Variants in DDIAS observed in about 807,000 individuals in gnomAD.
DDIAS encodes DNA damage induced apoptosis suppressor.
A neutral mutation model predicts 15.7 loss-of-function variants in DDIAS; 14 were observed. That is an observed-to-expected ratio of 0.89 (90% CI 0.59 to 1.39). The LOEUF (loss-of-function observed/expected upper bound fraction) is 1.39. DDIAS is among the 40% of genes most tolerant of loss of function. The probability of loss-of-function intolerance (pLI) is 0.00; values close to 1 mark genes in which losing one functional copy is unlikely to be tolerated. For missense variants in DDIAS, 1,035 were observed against 1,130.9 expected, an observed-to-expected ratio of 0.92 and a Z score of 1.22; for synonymous variants, 355 against 395.9, an observed-to-expected ratio of 0.90 and a Z score of 1.23.
rs534677033 is a variant in DDIAS, at chr11:82,920,504, G to C, written c.113+5653G>C. Among the ~76,000 whole-genome samples, 14 of 152,200 alleles carry C rather than the reference G, an allele frequency of 9.2e-5. No homozygotes were observed. In the South Asian group the frequency reaches 2.9e-3, roughly 32 times the overall value. On this transcript the variant is annotated intron_variant, in intron 3 of 5. Transcript: ENST00000533655. ...GTGTTCTTTCAGTCTTTTTGATGTA[G>C]GCATTTAGGACTATGACCTTTCCTT...
rs1231499233 is a variant in DDIAS, at chr11:82,914,732, T to G, written c.-7T>G. ...CTATTTTGTTTTGCAGACCACGGTG[T>G]GAACACATGAACAGAAGACGAAAAT... On this transcript the variant is annotated 5_prime_UTR_variant, in exon 3 of 6. Transcript: ENST00000533655. The G allele has an allele frequency of 1.9e-6, 3 of 1,544,784 alleles. No homozygotes were observed. Among genetic ancestry groups the G allele is most frequent in the Non-Finnish European group, 2.7e-6 (3 of 1,118,380 alleles).
chr11:82,905,333 A>T (rs1222594348), intron 1 of DDIAS, among the ~76,000 whole-genome samples: 2 of 152,094 alleles, frequency 1.3e-5, no homozygotes, highest in Non-Finnish European at 2.9e-5. Flanking sequence ...TTTGTATATT[A>T]TTGCTAATGT....
In DDIAS at chr11:82,933,407, CAACTGAGATTACCAAA is replaced by C. The variant is rs1395096157; in HGVS notation, c.2072_2087del (p.Thr691AsnfsTer7). ...GATATTGCTAAAGAAATGGACATTGCAACTGAGATTACCAAAAAATCACAGGATATTTTGTTAAAAT... is the reference window on the plus strand; with the variant it reads ...GATATTGCTAAAGAAATGGACATTGCAAATCACAGGATATTTTGTTAAAAT... On this transcript the variant is annotated frameshift_variant, in exon 6 of 6. Transcript: ENST00000533655. LOFTEE classifies it low-confidence loss of function (END_TRUNC). 6.2e-7 allele frequency: 1 copy of C among 1,613,866 alleles called. No homozygotes were observed. Among genetic ancestry groups the C allele is most frequent in the South Asian group, 1.1e-5 (1 of 91,052 alleles).
At chr11:82,931,680 G>T (rs1365370060) in intron 5 of DDIAS, 52 bp from the exon 6 acceptor site, 28 of 1,488,766 alleles carry the variant, frequency 1.9e-5, no homozygotes, top group Non-Finnish European at 2.4e-5. Context: ...TCATGTTTAA[G>T]TAAATGGAAG....
chr11:82,915,494 T>G (rs1437070801), intron 3 of DDIAS, among the ~76,000 whole-genome samples: 1 of 152,198 alleles, frequency 6.6e-6, no homozygotes, highest in East Asian at 1.9e-4. Flanking sequence ...AGCAATATTC[T>G]TAACTAGTCT....
chr11:82,922,274 A>C (rs10898057), intron 3 of DDIAS, among the ~76,000 whole-genome samples: 5,421 of 152,306 alleles, frequency 0.036, 136 homozygotes, highest in Non-Finnish European at 0.057. Flanking sequence ...AGGCCGGGGA[A>C]GGTTTCCTCA....
At chr11:82,929,938 A>G (rs1048495656) in intron 4 of DDIAS, among the ~76,000 whole-genome samples, 14 of 152,174 alleles carry the variant, frequency 9.2e-5, no homozygotes, top group African/African-American at 3.1e-4. Flanking sequence ...CCTGATGGTT[A>G]GGCAGGTAAC....
chr11:82,920,718 T>G (rs192536398), intron 3 of DDIAS, among the ~76,000 whole-genome samples: 137 of 152,352 alleles, frequency 9.0e-4, no homozygotes, highest in African/African-American at 3.2e-3. Flanking sequence ...TTCCAGTTTA[T>G]TCCACTATGG....
At chr11:82,921,698 C>T (rs1158820318) in intron 3 of DDIAS, among the ~76,000 whole-genome samples, 3 of 151,450 alleles carry the variant, frequency 2.0e-5, no homozygotes, top group African/African-American at 7.3e-5. Flanking sequence ...CCTGCCTCAG[C>T]CTCCCGAGTA....
chr11:82,921,099 G>A (rs375850367), intron 3 of DDIAS, among the ~76,000 whole-genome samples: 4 of 152,064 alleles, frequency 2.6e-5, no homozygotes, highest in South Asian at 4.2e-4. Context: ...GATATTTCTC[G>A]TTGGACAAGG....
Position 82,901,827 on chromosome 11 carries a change from G to T in DDIAS, c.-117+5G>T, listed in dbSNP as rs547590016. ...GTTCCTGGTCTTCTCCCCCAGGTGAGCTGGGTAAAGGGGTTCTCGGGAAGC... is the reference window on the plus strand; with the variant it reads ...GTTCCTGGTCTTCTCCCCCAGGTGATCTGGGTAAAGGGGTTCTCGGGAAGC... On this transcript the variant is annotated splice_donor_5th_base_variant and intron_variant, in intron 1 of 5. Coordinates refer to ENST00000533655, the MANE Select transcript of DDIAS (RefSeq NM_145018.4). The T allele has an allele frequency of 7.9e-5, 12 of 152,278 alleles. No individual in the cohort carries two copies. The East Asian group carries it at 2.3e-3, about 29-fold the overall frequency. The allele number at this position is 152,278 out of a possible 1,614,324, so 9.4% of individuals were successfully genotyped here. A position where few individuals can be genotyped will look rare whatever the true frequency, so the allele number is the denominator to read the frequency against.
intron 3 of DDIAS, among the ~76,000 whole-genome samples, chr11:82,919,375 A>G (rs1860698512): frequency 6.6e-6 from 1 of 152,164 alleles, no homozygotes; most frequent in African/African-American, 2.4e-5. Flanking sequence ...TGGTTTTAAA[A>G]TTCTGTTTAT....
chr11:82,909,238 G>T (rs866382304), intron 1 of DDIAS: 1 of 152,334 alleles, frequency 6.6e-6, no homozygotes, highest in Middle Eastern at 3.4e-3. Context: ...GTAACTTCCT[G>T]ACGTTGCCAT....
rs886409447 is a variant in DDIAS at position 82,932,671 on chromosome 11, C to T, written c.1333C>T (p.His445Tyr). The change falls in exon 6 of 6, where the codon CAT becomes TAT. Residue 445 changes from histidine (H) to tyrosine (Y), a missense_variant. His to Tyr is a moderately conservative substitution (Grantham distance 83). Transcript: ENST00000533655. ...CCAGGCAGATGTCAGTAGTAGGAAACATCATGTAGATAATGACATTGATAA... is the reference window on the plus strand; with the variant it reads ...CCAGGCAGATGTCAGTAGTAGGAAATATCATGTAGATAATGACATTGATAA... Reference protein sequence around the residue: ...VTQADVSSRKHHVDNDIDKFH... With the variant: ...VTQADVSSRKYHVDNDIDKFH... 7.4e-6 allele frequency: 12 copies of T among 1,614,036 alleles called. No homozygotes were observed. The highest frequency in any genetic ancestry group is 1.1e-5 in the South Asian group (1 of 91,080).
intron 1 of DDIAS, among the ~76,000 whole-genome samples, chr11:82,910,366 C>T (rs1294843953): frequency 6.7e-6 from 1 of 149,288 alleles, no homozygotes. Context: ...CTGCAACCTC[C>T]GCCTCCCAGG....
intron 1 of DDIAS, among the ~76,000 whole-genome samples, chr11:82,903,809 G>A (rs1860374953): frequency 6.6e-6 from 1 of 152,208 alleles, no homozygotes; most frequent in Non-Finnish European, 1.5e-5. Flanking sequence ...ACAGAAAATT[G>A]GAGAATTACA....
intron 3 of DDIAS, among the ~76,000 whole-genome samples, chr11:82,925,561 G>A (rs1443474537): frequency 6.6e-6 from 1 of 152,178 alleles, no homozygotes; most frequent in Non-Finnish European, 1.5e-5. Context: ...TAGCACCACT[G>A]TCCTCCAGCC....
Position 82,933,044 on chromosome 11 carries a change from A to C in DDIAS, c.1706A>C (p.His569Pro). 1 of 1,605,674 alleles carries C rather than the reference A, an allele frequency of 6.2e-7. No homozygotes were observed. Among genetic ancestry groups the C allele is most frequent in the East Asian group, 2.2e-5 (1 of 44,824 alleles). The part of the protein sequence containing the change: ...IRISPHRESD[H>P]SSLNNKYLNG... ...ATCTCACCACACAGGGAGAGTGACC[A>C]TTCTAGTCTAAATAACAAATATTTG... is the stretch of plus-strand genomic sequence containing the variant. The change falls in exon 6 of 6, where the codon CAT becomes CCT. Residue 569 changes from histidine (H) to proline (P), a missense_variant. Transcript: ENST00000533655.
chr11:82,910,334 G>A, intron 1 of DDIAS, among the ~76,000 whole-genome samples: 1 of 148,544 alleles, frequency 6.7e-6, no homozygotes, highest in Non-Finnish European at 1.5e-5. Flanking sequence ...AGGCTGGAGT[G>A]CAGTGGCATG....
Sources: allele counts gnomAD v4.1 joint callset (sites outside exome capture counted in the v4.1 genomes callset), GRCh38; gene constraint gnomAD v4.1.1; transcripts MANE v1.5; gene names NCBI Gene and HGNC (gene_info 2026-07-23, HGNC 2026-07-21).